The following DAOA variants were observed in gnomAD, a reference collection of about 807,000 sequenced individuals.
DAOA encodes the protein D-amino acid oxidase regulator.
A neutral mutation model predicts 16.4 loss-of-function variants in DAOA; 15 were observed. The observed-to-expected ratio is 0.91, with a 90% CI of 0.61 to 1.41. The LOEUF (loss-of-function observed/expected upper bound fraction) is 1.41, where lower values mean the gene tolerates loss of function less well. DAOA is among the 40% of genes most tolerant of loss of function. DAOA has a pLI of 0.00. For missense variants in DAOA, 230 were observed against 176.8 expected (o/e 1.30, Z -1.71); for synonymous variants, 75 against 59.1 (o/e 1.27, Z -1.23).
At chr13:105,477,743 T>A (rs934184275) in intron 4 of DAOA, among the ~76,000 whole-genome samples, 1 of 152,194 alleles carries the variant, frequency 6.6e-6, no homozygotes, top group East Asian at 1.9e-4. Context: ...ATTTAAAAAA[T>A]TTACATATGA....
At chr13:105,473,507 C>T (rs1393246521) in intron 4 of DAOA, among the ~76,000 whole-genome samples, 3 of 151,808 alleles carry the variant, frequency 2.0e-5, no homozygotes, top group Admixed American at 2.0e-4. Flanking sequence ...AATGTTTAAC[C>T]AAATAATTTA....
At chr13:105,484,515 C>T (rs1246084625) in intron 4 of DAOA, among the ~76,000 whole-genome samples, 1 of 152,012 alleles carries the variant, frequency 6.6e-6, no homozygotes, top group Non-Finnish European at 1.5e-5. Flanking sequence ...CTATTTTTAA[C>T]TGTGTGAAAC....
chr13:105,481,334 T>C (rs1877730714), intron 4 of DAOA, among the ~76,000 whole-genome samples: 1 of 152,156 alleles, frequency 6.6e-6, no homozygotes, highest in African/African-American at 2.4e-5. Flanking sequence ...TTTGGGGTCT[T>C]AACTTGGTTC....
intron 4 of DAOA, among the ~76,000 whole-genome samples, chr13:105,480,576 T>C (rs1877666647): frequency 6.9e-6 from 1 of 145,244 alleles, no homozygotes; most frequent in African/African-American, 2.5e-5. Flanking sequence ...AGATAGCATT[T>C]GTTAGGAGAA....
chr13:105,483,774 G>A (rs916555216), intron 4 of DAOA, among the ~76,000 whole-genome samples: 1 of 151,204 alleles, frequency 6.6e-6, no homozygotes, highest in Non-Finnish European at 1.5e-5. Context: ...ATCTTTTCTT[G>A]TGTACCATGG....
intron 2 of DAOA, 107 bp downstream of exon 2, chr13:105,466,439 A>G: frequency 6.3e-7 from 1 of 1,575,172 alleles, no homozygotes; most frequent in South Asian, 1.2e-5. Context: ...AGGAAGTGGA[A>G]CATGTCAGGG....
At chr13:105,478,378 A>G (rs1419044649) in intron 4 of DAOA, among the ~76,000 whole-genome samples, 2 of 152,196 alleles carry the variant, frequency 1.3e-5, no homozygotes, top group African/African-American at 4.8e-5. Flanking sequence ...AGGAGTGCTG[A>G]AACCTGTACT....
At chr13:105,471,420 A>G (rs1430100592) in intron 3 of DAOA, among the ~76,000 whole-genome samples, 1 of 152,186 alleles carries the variant, frequency 6.6e-6, no homozygotes, top group African/African-American at 2.4e-5. Flanking sequence ...ATTTGATATG[A>G]AGTTTACCTA....
chr13:105,473,952 G>A (rs1013090891), intron 4 of DAOA, among the ~76,000 whole-genome samples: 9 of 151,986 alleles, frequency 5.9e-5, no homozygotes, highest in African/African-American at 2.2e-4. Context: ...AAGGAATTAG[G>A]CAAGAACATA....
At chr13:105,479,479 A>G (rs1877559213) in intron 4 of DAOA, among the ~76,000 whole-genome samples, 1 of 152,198 alleles carries the variant, frequency 6.6e-6, no homozygotes, top group African/African-American at 2.4e-5. Flanking sequence ...ATTAACACAC[A>G]GGCTGGTTCC....
At chr13:105,484,049 A>C (rs1051363467) in intron 4 of DAOA, among the ~76,000 whole-genome samples, 3 of 152,090 alleles carry the variant, frequency 2.0e-5, no homozygotes, top group Admixed American at 6.6e-5. Context: ...ACTTGAGTTA[A>C]ATTTTAAATA....
intron 4 of DAOA, among the ~76,000 whole-genome samples, chr13:105,485,469 A>T (rs1878041190): frequency 6.6e-6 from 1 of 152,216 alleles, no homozygotes; most frequent in African/African-American, 2.4e-5. Flanking sequence ...CACCAAAAAT[A>T]TATTTTAAAA....
chr13:105,483,013 T>C (rs1258291247), intron 4 of DAOA, among the ~76,000 whole-genome samples: 3 of 152,156 alleles, frequency 2.0e-5, no homozygotes, highest in African/African-American at 7.2e-5. Flanking sequence ...TTATGCTCCT[T>C]TTAATCTCTC....
chr13:105,471,704 C>T (rs2139172482), intron 3 of DAOA, among the ~76,000 whole-genome samples: 1 of 152,302 alleles, frequency 6.6e-6, no homozygotes, highest in Non-Finnish European at 1.5e-5. Context: ...TTAAAATCAT[C>T]TACAGGTAAA....
At chr13:105,482,770 T>C (rs1466130383) in intron 4 of DAOA, among the ~76,000 whole-genome samples, 2 of 152,034 alleles carry the variant, frequency 1.3e-5, no homozygotes, top group Non-Finnish European at 2.9e-5. Context: ...CTCCTCAAAG[T>C]GCTGGGATTA....
At position 105,487,396 on chromosome 13, in the gene DAOA, A is replaced by G. The variant is rs566330656; in HGVS notation, c.282-2505A>G. ...CAGGAAATGATGTGATTTATCCTGT[A>G]TCTTTATAAGAGCATCTGAGTTCTG... On this transcript the variant is annotated intron_variant, in intron 4 of 5. Transcript: ENST00000375936. Among the ~76,000 whole-genome samples, 5 of 152,270 alleles carry G rather than the reference A, an allele frequency of 3.3e-5. No homozygotes were observed. In the East Asian group the frequency reaches 5.8e-4, roughly 18 times the overall value.
At chr13:105,472,751 G>A (rs1381767511) in intron 4 of DAOA, 66 bp downstream of exon 4, 15 of 1,449,820 alleles carry the variant, frequency 1.0e-5, no homozygotes, top group East Asian at 9.3e-5. Context: ...TGGAACTTAC[G>A]AAAGCAACTT....
intron 4 of DAOA, among the ~76,000 whole-genome samples, chr13:105,477,824 G>A (rs1223688333): frequency 2.0e-5 from 3 of 152,052 alleles, no homozygotes; most frequent in East Asian, 1.9e-4. Context: ...CTAAAAATAG[G>A]CACATAGTTT....
At position 105,490,116 on chromosome 13, in the gene DAOA, G is replaced by A; in HGVS notation, c.*35G>A. 1.3e-6 allele frequency: 2 copies of A among 1,534,048 alleles called. No homozygotes were observed. The highest frequency in any genetic ancestry group is 1.8e-6 in the Non-Finnish European group (2 of 1,136,684). ...CAGATTCTTCCCAGCCAATCCTTCT[G>A]ATGACAATGTAGTCTGGCCAACATC... On this transcript the variant is annotated 3_prime_UTR_variant, in exon 5 of 6. Coordinates refer to ENST00000375936, the MANE Select transcript of DAOA (RefSeq NM_172370.5).
Sources: allele counts gnomAD v4.1 joint callset (sites outside exome capture counted in the v4.1 genomes callset), GRCh38; gene constraint gnomAD v4.1.1; transcripts MANE v1.5; gene names NCBI Gene and HGNC (gene_info 2026-07-23, HGNC 2026-07-21).